The following USH2A variants were observed in gnomAD, a reference collection of about 807,000 sequenced individuals.
USH2A encodes the protein usherin, also known as Usher syndrome 2A (autosomal recessive, mild).
Under a neutral mutation model 538.9 loss-of-function variants are expected in USH2A, and 443 were observed. The ratio of observed to expected loss-of-function variants is 0.82; its 90% confidence interval spans 0.76 to 0.89. USH2A has a LOEUF of 0.89. USH2A is among the 40% of genes least tolerant of loss of function. USH2A has a pLI of 0.00. For synonymous variants in USH2A, 2,413 were observed against 2,273.5 expected (o/e 1.06, Z -1.75); for missense variants, 6,633 against 6,324.8 (o/e 1.05, Z -1.65).
At chr1:215,669,233 C>T (rs940651567) in intron 64 of USH2A, among the ~76,000 whole-genome samples, 19 of 152,126 alleles carry the variant, frequency 1.2e-4, no homozygotes, top group African/African-American at 4.6e-4. Flanking sequence ...ACGAAGGTAC[C>T]ATTTTTATTT....
intron 32 of USH2A, among the ~76,000 whole-genome samples, chr1:216,022,746 G>C (rs2102502800): frequency 6.6e-6 from 1 of 152,228 alleles, no homozygotes; most frequent in South Asian, 2.1e-4. Context: ...AGAATCGACT[G>C]GGACAGCTCT....
chr1:216,189,184 CAG>C lies in USH2A; in HGVS notation c.4396+1037_4396+1038del, dbSNP rs202210937. Among the ~76,000 whole-genome samples, 94 of 151,756 alleles carry C rather than the reference CAG, an allele frequency of 6.2e-4. 2 individuals carry two copies. In the East Asian group the frequency reaches 0.017, roughly 28 times the overall value. On this transcript the variant is annotated intron_variant, in intron 20 of 71. Transcript: ENST00000307340. The stretch of plus-strand genomic sequence containing the variant: ...AGTAAACCATAATTTCTTAGAATTT[CAG>C]AGTTGTTTGCATTAATGAAAATTTT...
At chr1:216,124,358 G>A (rs887589903) in intron 21 of USH2A, among the ~76,000 whole-genome samples, 1 of 151,938 alleles carries the variant, frequency 6.6e-6, no homozygotes, top group African/African-American at 2.4e-5. Flanking sequence ...AAATCCTGCA[G>A]CAAGCAAGGA....
At chr1:216,245,341 T>C (rs2036015342) in intron 13 of USH2A, among the ~76,000 whole-genome samples, 1 of 152,128 alleles carries the variant, frequency 6.6e-6, no homozygotes, top group Non-Finnish European at 1.5e-5. Flanking sequence ...AATTTTCCTC[T>C]AGAAATTATA....
At chr1:215,946,036 T>G (rs938993803) in intron 37 of USH2A, among the ~76,000 whole-genome samples, 2 of 152,170 alleles carry the variant, frequency 1.3e-5, no homozygotes, top group Non-Finnish European at 2.9e-5. Context: ...ATGCCAATAC[T>G]GCCAAGTGCC....
At chr1:215,836,467 TATATATATATATAATATATA>T (rs1558119695) in intron 47 of USH2A, among the ~76,000 whole-genome samples, 4 of 8,352 alleles carry the variant, frequency 4.8e-4, no homozygotes, top group Admixed American at 7.6e-3. Context: ...ATATATATTA[TATATATATATATAATATATA>T]TTATATATAT....
In USH2A at chr1:215,845,944, C is replaced by T. The variant is rs769479181; in HGVS notation, c.8935G>A (p.Val2979Ile). 8 of 1,613,792 alleles carry T rather than the reference C, an allele frequency of 5.0e-6. No homozygotes were observed. The Admixed American group carries it at 8.3e-5, about 17-fold the overall frequency. Residue 2979 changes from valine (V) to isoleucine (I), a missense_variant, in exon 45 of 72, where the codon GTA (valine) becomes ATA (isoleucine). Coordinates refer to ENST00000307340, the MANE Select transcript of USH2A (RefSeq NM_206933.4). ...SNDSLKILPDVNSHVIGHLKP... is the reference protein window; with the variant it reads ...SNDSLKILPDINSHVIGHLKP... ...AGGTGGCCAATGACATGAGAGTTTA[C>T]ATCTGGCAAGATTTTTAGAGAGTCG...
chr1:215,760,196 T>C (rs898299845), intron 56 of USH2A, among the ~76,000 whole-genome samples: 1 of 152,148 alleles, frequency 6.6e-6, no homozygotes, highest in Non-Finnish European at 1.5e-5. Flanking sequence ...ATCGAGTATG[T>C]ACCTGAATTA....
In USH2A at chr1:215,754,509, CA is replaced by C. The variant is rs758606960; in HGVS notation, c.11389+4085del. The stretch of plus-strand genomic sequence containing the variant: ...AAGGTTACTCTGTTCACACTGACCA[CA>C]AAAAAAAAAATGCATATTTAAAAAA... On this transcript the variant is annotated intron_variant, in intron 58 of 71. Transcript: ENST00000307340. 7.6e-3 allele frequency among the ~76,000 whole-genome samples: 1,084 copies of C among 143,272 alleles called. 5 individuals carry two copies. The highest frequency in any genetic ancestry group is 0.016 in the African/African-American group (635 of 39,342). The allele number at this position is 143,272 out of a possible 152,430, so 94.0% of individuals were successfully genotyped here.
intron 27 of USH2A, among the ~76,000 whole-genome samples, chr1:216,073,812 T>C (rs928620822): frequency 6.6e-6 from 1 of 152,240 alleles, no homozygotes; most frequent in Non-Finnish European, 1.5e-5. Flanking sequence ...AATTTCAAAA[T>C]ATATTAGTCC....
At chr1:216,176,499 A>G (rs1572022279) in intron 20 of USH2A, among the ~76,000 whole-genome samples, 1 of 152,164 alleles carries the variant, frequency 6.6e-6, no homozygotes, top group Admixed American at 6.5e-5. Context: ...CTCTTCCAAT[A>G]TCAACATCCG....
intron 32 of USH2A, among the ~76,000 whole-genome samples, chr1:216,022,086 T>C (rs1033154099): frequency 1.3e-5 from 2 of 152,074 alleles, no homozygotes; most frequent in African/African-American, 4.8e-5. Context: ...CCCCTTCACC[T>C]TCCACCATGA....
intron 43 of USH2A, among the ~76,000 whole-genome samples, chr1:215,869,947 T>C (rs1664578708): frequency 6.6e-6 from 1 of 152,150 alleles, no homozygotes; most frequent in Non-Finnish European, 1.5e-5. Context: ...TACACACAAT[T>C]GCATGCCTGT....
intron 64 of USH2A, among the ~76,000 whole-genome samples, chr1:215,669,843 T>A (rs1232565247): frequency 6.6e-6 from 1 of 152,248 alleles, no homozygotes; most frequent in Non-Finnish European, 1.5e-5. Flanking sequence ...AAATGTTCCC[T>A]GTATTCACTG....
intron 30 of USH2A, among the ~76,000 whole-genome samples, chr1:216,066,399 G>A (rs2031371969): frequency 6.6e-6 from 1 of 152,048 alleles, no homozygotes; most frequent in Non-Finnish European, 1.5e-5. Flanking sequence ...CTGGGAGGCG[G>A]AGCTTGCAGT....
chr1:215,781,089 T>C (rs1353989833), intron 54 of USH2A, among the ~76,000 whole-genome samples: 1 of 152,218 alleles, frequency 6.6e-6, no homozygotes, highest in Non-Finnish European at 1.5e-5. Context: ...CTTTTCTTTC[T>C]TTTTCATTTG....
chr1:216,334,346 A>T (rs968561903), intron 4 of USH2A, among the ~76,000 whole-genome samples: 2 of 151,978 alleles, frequency 1.3e-5, no homozygotes, highest in Non-Finnish European at 2.9e-5. Context: ...AATAAATGAC[A>T]AGGGTATTAA....
rs767954751 is a variant in USH2A, at chr1:215,625,673, G to A, written c.*108C>T. 14 of 1,001,286 alleles carry A rather than the reference G, an allele frequency of 1.4e-5. No homozygotes were observed. The highest frequency in any genetic ancestry group is 2.2e-5 in the Non-Finnish European group (14 of 634,010). 62.0% of individuals were successfully genotyped at this position (1,001,286 alleles called of 1,614,324 possible). A position where few individuals can be genotyped will look rare whatever the true frequency, so the allele number is the denominator to read the frequency against. ...GTCATCATTTCTTTAAAGAATTATA[G>A]GATAATAAACAATGGCTTTTCAGCA... On this transcript the variant is annotated 3_prime_UTR_variant, in exon 72 of 72. Coordinates refer to ENST00000307340, the MANE Select transcript of USH2A (RefSeq NM_206933.4).
Position 215,970,725 on chromosome 1 carries a change from G to C in USH2A, c.6857C>G (p.Ser2286Cys), listed in dbSNP as rs1667474701. ...GTAAGCACGATAGCTGAGTTCTGAG[G>C]AATTGTGGATTAATATACCATCTAG... The part of the protein sequence containing the change: ...LYLDGILIHN[S>C]SELSYRAYGF... The change falls in exon 36 of 72, where the codon TCC (serine) becomes TGC (cysteine). Residue 2286 changes from serine to cysteine, a missense_variant. Physicochemically the swap from Ser to Cys is moderately radical, Grantham distance 112 (BLOSUM62 -1). Transcript: ENST00000307340. The C allele has an allele frequency of 1.2e-6, 2 of 1,613,478 alleles. No homozygotes were observed. The highest frequency in any genetic ancestry group is 3.3e-5 in the Admixed American group (2 of 59,922).
Sources: gnomAD v4.1 joint callset for allele counts (sites outside exome capture counted in the v4.1 genomes callset) on GRCh38, gnomAD v4.1.1 for gene constraint, MANE v1.5 for transcripts, NCBI Gene and HGNC (gene_info 2026-07-23, HGNC 2026-07-21) for gene names.